RIMS1: variants seen among roughly 807,000 people sequenced by gnomAD.
The protein encoded by RIMS1 is regulating synaptic membrane exocytosis protein 1.
Under a neutral mutation model 214.1 loss-of-function variants are expected in RIMS1, and 83 were observed. That is an observed-to-expected ratio of 0.39 (90% CI 0.32 to 0.47). RIMS1 has a LOEUF of 0.47. Among genes scored for constraint, RIMS1 ranks in the 20% least tolerant of loss-of-function variants. The pLI is 0.99. For missense variants in RIMS1, 2,050 were observed against 2,161.8 expected (o/e 0.95, Z 1.03); for synonymous variants, 793 against 786.8 (o/e 1.01, Z -0.13).
chr6:72,310,805 T>C (rs988120872), intron 27 of RIMS1, among the ~76,000 whole-genome samples: 1 of 152,110 alleles, frequency 6.6e-6, no homozygotes, highest in Non-Finnish European at 1.5e-5. Context: ...TAGTTAAAAG[T>C]GAATATAAAA....
At chr6:72,166,092 T>C (rs2046219575) in intron 4 of RIMS1, among the ~76,000 whole-genome samples, 1 of 152,188 alleles carries the variant, frequency 6.6e-6, no homozygotes, top group Admixed American at 6.5e-5. Context: ...GCCAACAGGG[T>C]TAGTTTCTGT....
intron 31 of RIMS1, among the ~76,000 whole-genome samples, chr6:72,395,129 C>A (rs189289661): frequency 6.6e-6 from 1 of 151,830 alleles, no homozygotes; most frequent in African/African-American, 2.4e-5. Context: ...TTAAAAAAAT[C>A]TTTTGTAAGA....
At chr6:72,108,143 C>A (rs2035167439) in intron 4 of RIMS1, among the ~76,000 whole-genome samples, 1 of 152,178 alleles carries the variant, frequency 6.6e-6, no homozygotes, top group South Asian at 2.1e-4. Flanking sequence ...CCTCACCCTT[C>A]TGTAACTGGG....
At chr6:72,169,406 G>A (rs2046716124) in intron 4 of RIMS1, among the ~76,000 whole-genome samples, 1 of 152,106 alleles carries the variant, frequency 6.6e-6, no homozygotes, top group Admixed American at 6.5e-5. Flanking sequence ...ATGTAGAAGA[G>A]CAAGAATTGA....
chr6:72,012,567 A>G (rs1002031567), intron 2 of RIMS1, among the ~76,000 whole-genome samples: 11 of 151,982 alleles, frequency 7.2e-5, no homozygotes, highest in African/African-American at 1.7e-4. Context: ...AGCTTGTGGG[A>G]AAAAAAAGCA....
intron 2 of RIMS1, among the ~76,000 whole-genome samples, chr6:72,005,011 A>G (rs1482908701): frequency 6.7e-5 from 10 of 149,430 alleles, no homozygotes; most frequent in Admixed American, 2.0e-4. Flanking sequence ...TAGGTCTAAC[A>G]TTTAAGTCTT....
chr6:71,999,435 A>T (rs1468014567), intron 2 of RIMS1, among the ~76,000 whole-genome samples: 1 of 152,110 alleles, frequency 6.6e-6, no homozygotes, highest in African/African-American at 2.4e-5. Context: ...ATACACAAAG[A>T]TTCAGTCAAA....
chr6:72,066,864 G>T (rs1829424734), intron 2 of RIMS1, among the ~76,000 whole-genome samples: 2 of 151,936 alleles, frequency 1.3e-5, no homozygotes. Flanking sequence ...CCTAATTGCT[G>T]GAGTCAAAAA....
At chr6:72,170,783 A>G (rs1414479271) in intron 4 of RIMS1, among the ~76,000 whole-genome samples, 1 of 152,222 alleles carries the variant, frequency 6.6e-6, no homozygotes, top group African/African-American at 2.4e-5. Context: ...GTGGAAATCA[A>G]AAATATGTAC....
chr6:72,360,655 A>G (rs2097783133), intron 29 of RIMS1, among the ~76,000 whole-genome samples: 1 of 150,334 alleles, frequency 6.7e-6, no homozygotes. Context: ...ATGTGTGTAT[A>G]TGCATACTAT....
At position 72,156,128 on chromosome 6, in the gene RIMS1, A is replaced by G. The variant is rs571357295; in HGVS notation, c.472-23447A>G. ...CAATCTCACTTCTGGATATACATCA[A>G]GAGCAAATGAAATCAATATTTTGAA... On this transcript the variant is annotated intron_variant, in intron 4 of 33. Transcript: ENST00000521978. 7.3e-5 allele frequency: 22 copies of G among 300,842 alleles called. 3 individuals are homozygous for G. Among genetic ancestry groups the G allele is most frequent in the African/African-American group, 4.8e-4 (22 of 45,998 alleles). 18.6% of individuals were successfully genotyped at this position (300,842 alleles called of 1,614,324 possible).
intron 6 of RIMS1, among the ~76,000 whole-genome samples, chr6:72,215,316 G>GC (rs1328167253): frequency 6.6e-6 from 1 of 152,024 alleles, no homozygotes; most frequent in Admixed American, 6.6e-5. Flanking sequence ...ATCATTATAG[G>GC]CCCCCCGCTG....
intron 2 of RIMS1, among the ~76,000 whole-genome samples, chr6:72,052,166 G>A (rs1385798927): frequency 6.6e-6 from 1 of 152,176 alleles, no homozygotes; most frequent in Non-Finnish European, 1.5e-5. Flanking sequence ...TGTTGATTCT[G>A]TCTTCCAACA....
At position 72,233,505 on chromosome 6, in the gene RIMS1, G is replaced by GTT. The variant is rs75424973; in HGVS notation, c.1679-257_1679-256dup. ...AGGCTAGGAGGGGCAGATTAACCCT[G>GTT]TTTTTTTTTTTTCTGTACATTTATA... is the stretch of plus-strand genomic sequence containing the variant. On this transcript the variant is annotated intron_variant, in intron 6 of 33. Coordinates refer to ENST00000521978, the MANE Select transcript of RIMS1 (RefSeq NM_014989.7). Among the ~76,000 whole-genome samples the GTT allele has an allele frequency of 1.7e-3, 237 of 141,932 alleles. 1 individual carries two copies. The highest frequency in any genetic ancestry group is 5.8e-3 in the African/African-American group (225 of 39,092). The allele number at this position is 141,932 out of a possible 152,430, so 93.1% of individuals were successfully genotyped here.
intron 15 of RIMS1, 63 bp downstream of exon 15, chr6:72,251,431 A>G: frequency 8.1e-7 from 1 of 1,234,704 alleles, no homozygotes. Context: ...ATTAGTGATT[A>G]ATAATTCAAG....
At chr6:72,300,879 G>T (rs2094538808) in intron 26 of RIMS1, among the ~76,000 whole-genome samples, 1 of 151,710 alleles carries the variant, frequency 6.6e-6, no homozygotes, top group African/African-American at 2.4e-5. Flanking sequence ...TAAAACAGGA[G>T]ATGGTCTTGT....
chr6:72,309,361 A>G (rs2095396729), intron 27 of RIMS1, among the ~76,000 whole-genome samples: 1 of 152,272 alleles, frequency 6.6e-6, no homozygotes. Flanking sequence ...TATTTACCAA[A>G]TTTATGACAA....
chr6:72,090,985 T>C (rs1186613519), intron 2 of RIMS1, among the ~76,000 whole-genome samples: 1 of 152,214 alleles, frequency 6.6e-6, no homozygotes, highest in East Asian at 1.9e-4. Flanking sequence ...GGTGCCCATG[T>C]GCTAAGGTTG....
chr6:72,331,702 A>T (rs978017991), intron 28 of RIMS1, among the ~76,000 whole-genome samples: 20 of 151,868 alleles, frequency 1.3e-4, no homozygotes, highest in Non-Finnish European at 2.7e-4. Context: ...TTTGGGATTG[A>T]TCATACATAA....
Sources: allele counts gnomAD v4.1 joint callset (sites outside exome capture counted in the v4.1 genomes callset), GRCh38; gene constraint gnomAD v4.1.1; transcripts MANE v1.5; gene names NCBI Gene and HGNC (gene_info 2026-07-23, HGNC 2026-07-21).